Variants in TRAPPC12 observed in about 807,000 individuals in gnomAD.
The protein encoded by TRAPPC12 is TPR repeat protein 15.
Under a neutral mutation model 69.2 loss-of-function variants are expected in TRAPPC12, and 61 were observed. The observed-to-expected ratio is 0.88, with a 90% CI of 0.72 to 1.09. TRAPPC12 has a LOEUF of 1.09. TRAPPC12 is among the 50% of genes least tolerant of loss of function. TRAPPC12 has a pLI of 0.00. For synonymous variants in TRAPPC12, 469 were observed against 438.9 expected, an observed-to-expected ratio of 1.07 and a Z score of -0.86; for missense variants, 1,101 against 1,016.4, an observed-to-expected ratio of 1.08 and a Z score of -1.13.
At chr2:3,463,854 G>A (rs567932222) in intron 8 of TRAPPC12, among the ~76,000 whole-genome samples, 18 of 152,250 alleles carry the variant, frequency 1.2e-4, no homozygotes, top group African/African-American at 4.3e-4. Context: ...AACAGACATT[G>A]CCCAGCATGA....
In TRAPPC12 at chr2:3,387,647, G is replaced by C. The variant is rs1368686538; in HGVS notation, c.24G>C (p.Glu8Asp). 6.5e-7 allele frequency: 1 copy of C among 1,545,514 alleles called. No homozygotes were observed. The highest frequency in any genetic ancestry group is 2.0e-5 in the Admixed American group (1 of 50,510). MEDAGGG[E>D]ETPAPEAPHP... ...TCATGGAGGACGCTGGCGGCGGCGA[G>C]GAGACCCCGGCCCCGGAGGCCCCGC... is the stretch of plus-strand genomic sequence containing the variant. Residue 8 changes from glutamate to aspartate, a missense_variant, in exon 2 of 12, where the codon GAG (glutamate) becomes GAC (aspartate). Glu to Asp is a conservative substitution (Grantham distance 45). Transcript: ENST00000324266.
At chr2:3,439,531 C>T (rs1378037302) in intron 5 of TRAPPC12, among the ~76,000 whole-genome samples, 1 of 151,876 alleles carries the variant, frequency 6.6e-6, no homozygotes, top group Non-Finnish European at 1.5e-5. Flanking sequence ...AGGCATCAGC[C>T]ACCATACCTG....
At chr2:3,463,182 C>T (rs1665602889) in intron 8 of TRAPPC12, 1 of 296,300 alleles carries the variant, frequency 3.4e-6, no homozygotes. Context: ...GCTGTTTCCT[C>T]TTCAGTAAAT....
rs74501880 is a variant in TRAPPC12, at chr2:3,384,320, C to A, written c.-4-3300C>A. The stretch of plus-strand genomic sequence containing the variant: ...TGTAGCTTTTAGTTATTTTTCTTGC[C>A]TTAATCCTGCCCGAGGACTCCAGTA... On this transcript the variant is annotated intron_variant, in intron 1 of 11. Transcript: ENST00000324266. 7.9e-5 allele frequency among the ~76,000 whole-genome samples: 12 copies of A among 152,088 alleles called. 1 individual carries two copies. In the South Asian group the frequency reaches 2.5e-3, roughly 32 times the overall value.
intron 3 of TRAPPC12, among the ~76,000 whole-genome samples, chr2:3,419,986 C>G (rs1048781578): frequency 6.6e-5 from 10 of 152,366 alleles, no homozygotes; most frequent in Middle Eastern, 6.8e-3. Context: ...TTAGGTACAA[C>G]CCAGCAATCC....
intron 1 of TRAPPC12, among the ~76,000 whole-genome samples, chr2:3,385,163 CATTTTT>C (rs1254704013): frequency 6.6e-6 from 1 of 152,094 alleles, no homozygotes; most frequent in Non-Finnish European, 1.5e-5. Flanking sequence ...CGTTTTATAT[CATTTTT>C]ATTTGAGCAT....
chr2:3,459,169 G>T (rs773715220), intron 7 of TRAPPC12, among the ~76,000 whole-genome samples: 1 of 152,196 alleles, frequency 6.6e-6, no homozygotes, highest in South Asian at 2.1e-4. Context: ...GGCAGCCAGG[G>T]ACACACGGCT....
At chr2:3,471,389 C>T (rs1666052931) in intron 9 of TRAPPC12, among the ~76,000 whole-genome samples, 3 of 152,190 alleles carry the variant, frequency 2.0e-5, no homozygotes. Flanking sequence ...GCAGAACTAT[C>T]ATAGCCACGT....
intron 9 of TRAPPC12, among the ~76,000 whole-genome samples, chr2:3,472,900 G>A (rs1184831410): frequency 6.6e-6 from 1 of 152,144 alleles, no homozygotes; most frequent in Non-Finnish European, 1.5e-5. Context: ...ATCACCCAGA[G>A]GAAGCTTCAA....
intron 4 of TRAPPC12, among the ~76,000 whole-genome samples, chr2:3,422,422 T>TA (rs955843365): frequency 1.8e-4 from 27 of 151,090 alleles, no homozygotes; most frequent in Non-Finnish European, 2.7e-4. Flanking sequence ...CTCTGAAATT[T>TA]AAAAAAAAAG....
chr2:3,442,119 CGTTG>C (rs1664250818), intron 5 of TRAPPC12, among the ~76,000 whole-genome samples: 1 of 89,420 alleles, frequency 1.1e-5, no homozygotes, highest in Non-Finnish European at 2.4e-5. Context: ...CTAGTCTGTA[CGTTG>C]AGATCGGAGT....
chr2:3,434,926 C>G lies in TRAPPC12; in HGVS notation c.1418-8853C>G, dbSNP rs889680549. Among the ~76,000 whole-genome samples, 9 of 152,238 alleles carry G rather than the reference C, an allele frequency of 5.9e-5. No homozygotes were observed. In the East Asian group the frequency reaches 1.5e-3, roughly 26 times the overall value. ...TCCCCTTCAGGCTACAGTTTTCCATCTGGACCGAGGGACTGGCCGGTGCAG... is the reference window on the plus strand; with the variant it reads ...TCCCCTTCAGGCTACAGTTTTCCATGTGGACCGAGGGACTGGCCGGTGCAG... On this transcript the variant is annotated intron_variant, in intron 5 of 11. Coordinates refer to ENST00000324266, the MANE Select transcript of TRAPPC12 (RefSeq NM_016030.6).
intron 6 of TRAPPC12, chr2:3,455,617 G>T (rs1294757509): frequency 6.6e-6 from 1 of 152,172 alleles, no homozygotes; most frequent in African/African-American, 2.4e-5. Flanking sequence ...GTCTTTCTGT[G>T]CCTGGCGTAT....
intron 3 of TRAPPC12, among the ~76,000 whole-genome samples, chr2:3,406,532 A>G (rs1232946979): frequency 6.6e-6 from 1 of 152,264 alleles, no homozygotes; most frequent in African/African-American, 2.4e-5. Flanking sequence ...TATGATTAGA[A>G]AGCTTTGGAG....
chr2:3,445,880 A>G (rs1047522352), intron 6 of TRAPPC12, among the ~76,000 whole-genome samples: 17 of 152,256 alleles, frequency 1.1e-4, no homozygotes, highest in African/African-American at 4.1e-4. Flanking sequence ...CCTGTGCTGA[A>G]TGGGGCCCTG....
chr2:3,401,745 G>T, intron 2 of TRAPPC12, 32 bp from the exon 3 acceptor site: 1 of 1,445,434 alleles, frequency 6.9e-7, no homozygotes. Flanking sequence ...ACATTTTATT[G>T]TCTTGACATA....
At chr2:3,409,900 G>T (rs1210085473) in intron 3 of TRAPPC12, among the ~76,000 whole-genome samples, 2 of 152,154 alleles carry the variant, frequency 1.3e-5, no homozygotes, top group Non-Finnish European at 2.9e-5. Flanking sequence ...TGCAGTGGGG[G>T]CTCTCCCCAG....
At chr2:3,407,024 A>G (rs988206986) in intron 3 of TRAPPC12, among the ~76,000 whole-genome samples, 2 of 152,224 alleles carry the variant, frequency 1.3e-5, no homozygotes, top group African/African-American at 4.8e-5. Flanking sequence ...TTTTAATTCT[A>G]GTGTGTCCTA....
intron 3 of TRAPPC12, among the ~76,000 whole-genome samples, chr2:3,406,348 C>A (rs1027104007): frequency 1.3e-5 from 2 of 152,146 alleles, no homozygotes; most frequent in Non-Finnish European, 2.9e-5. Flanking sequence ...ACTATGCTCC[C>A]CAAATTGCCT....
Sources: allele counts gnomAD v4.1 joint callset (sites outside exome capture counted in the v4.1 genomes callset), GRCh38; gene constraint gnomAD v4.1.1; transcripts MANE v1.5; gene names NCBI Gene and HGNC (gene_info 2026-07-23, HGNC 2026-07-21).